TBC1D2: variants seen among roughly 807,000 people sequenced by gnomAD.
The protein encoded by TBC1D2 is TBC1 domain family member 2, also known as TBC1 domain family member 2A.
In TBC1D2, 58 loss-of-function variants were observed where a neutral mutation model predicts 91.1. The observed-to-expected ratio is 0.64, with a 90% CI of 0.52 to 0.79. TBC1D2 has a LOEUF of 0.79. Among genes scored for constraint, TBC1D2 ranks in the 30% least tolerant of loss-of-function variants. TBC1D2 has a pLI of 0.00. For synonymous variants in TBC1D2, 482 were observed against 511.5 expected (o/e 0.94, Z 0.78); for missense variants, 1,080 against 1,208.3 (o/e 0.89, Z 1.57).
chr9:98,249,555 C>A (rs900901150), intron 2 of TBC1D2, among the ~76,000 whole-genome samples: 1 of 152,200 alleles, frequency 6.6e-6, no homozygotes, highest in African/African-American at 2.4e-5. Context: ...ACCCAGGCTG[C>A]AGTTTTCTGC....
At chr9:98,253,422 G>A (rs1829910196) in intron 1 of TBC1D2, among the ~76,000 whole-genome samples, 1 of 152,054 alleles carries the variant, frequency 6.6e-6, no homozygotes, top group South Asian at 2.1e-4. Context: ...CTTCTGATGG[G>A]CTCCCTGAGT....
At chr9:98,230,121 A>G (rs1829330739) in intron 4 of TBC1D2, among the ~76,000 whole-genome samples, 1 of 152,200 alleles carries the variant, frequency 6.6e-6, no homozygotes. Context: ...GGGCCTGACT[A>G]TGTAGCCAAG....
intron 9 of TBC1D2, among the ~76,000 whole-genome samples, chr9:98,204,637 G>A (rs75967315): frequency 0.029 from 4,365 of 152,124 alleles, 221 homozygotes; most frequent in African/African-American, 0.099. Context: ...AATCTCAAAA[G>A]AAAAAAGAAA....
intron 6 of TBC1D2, among the ~76,000 whole-genome samples, chr9:98,214,763 A>G (rs1265080807): frequency 1.3e-5 from 2 of 152,158 alleles, no homozygotes; most frequent in Non-Finnish European, 2.9e-5. Context: ...CCCAGGCTGG[A>G]AGCTCCGATG....
intron 5 of TBC1D2, among the ~76,000 whole-genome samples, chr9:98,222,402 T>A (rs1376859192): frequency 6.6e-6 from 1 of 152,204 alleles, no homozygotes; most frequent in African/African-American, 2.4e-5. Context: ...ATTCAAGCCA[T>A]TTGTGCCTAG....
intron 5 of TBC1D2, among the ~76,000 whole-genome samples, chr9:98,225,334 G>T (rs985437824): frequency 1.3e-5 from 2 of 152,246 alleles, no homozygotes; most frequent in Admixed American, 1.3e-4. Context: ...GGCCAGTGCT[G>T]CAGGTATGGG....
rs1391663630 is a variant in TBC1D2 at position 98,199,096 on chromosome 9, T to C, written c.*285A>G. ...CTAGAGAATGTTCCAGGTTACCCTATAGAGGCAGTGCTCTTGCTTGTTTAC... is the reference window on the plus strand; with the variant it reads ...CTAGAGAATGTTCCAGGTTACCCTACAGAGGCAGTGCTCTTGCTTGTTTAC... On this transcript the variant is annotated 3_prime_UTR_variant, in exon 13 of 13. Transcript: ENST00000465784. 4 of 574,958 alleles carry C rather than the reference T, an allele frequency of 7.0e-6. No individual in the cohort carries two copies. Among genetic ancestry groups the C allele is most frequent in the Admixed American group, 3.1e-5 (1 of 32,654 alleles). The allele number at this position is 574,958 out of a possible 1,614,324, so 35.6% of individuals were successfully genotyped here. A position where few individuals can be genotyped will look rare whatever the true frequency, so the allele number is the denominator to read the frequency against.
chr9:98,212,175 G>A (rs1053314739), intron 7 of TBC1D2, among the ~76,000 whole-genome samples: 1 of 152,112 alleles, frequency 6.6e-6, no homozygotes, highest in Non-Finnish European at 1.5e-5. Flanking sequence ...ACCCTCCTGA[G>A]CAGTCACAGC....
intron 6 of TBC1D2, 116 bp from the exon 7 acceptor site, chr9:98,213,334 G>A: frequency 6.6e-7 from 1 of 1,514,652 alleles, no homozygotes; most frequent in Non-Finnish European, 8.9e-7. Flanking sequence ...TTCCAATAAT[G>A]GCAACAGAAG....
intron 1 of TBC1D2, among the ~76,000 whole-genome samples, chr9:98,253,304 C>T (rs1434223585): frequency 2.0e-5 from 3 of 152,134 alleles, no homozygotes; most frequent in African/African-American, 7.2e-5. Context: ...TTACTCCAGC[C>T]ACTCCTGACA....
rs1312303511 is a variant in TBC1D2 at position 98,228,680 on chromosome 9, A to C, written c.978+272T>G. 6.6e-6 allele frequency among the ~76,000 whole-genome samples: 1 copy of C among 152,148 alleles called. No homozygotes were observed. The highest frequency in any genetic ancestry group is 1.9e-4 in the East Asian group (1 of 5,186). ...CATTTTCTGGGTAGGGGGTGAGACC[A>C]TGCATGGCCCTCCAGGAGGGGTCCA... On this transcript the variant is annotated intron_variant, in intron 5 of 12. Coordinates refer to ENST00000465784, the MANE Select transcript of TBC1D2 (RefSeq NM_001267571.2). This position sits in a 1 kb window ranked among gnomAD's most constrained non-coding sequence, Gnocchi z 4.0.
At chr9:98,225,638 ACT>A (rs1829214875) in intron 5 of TBC1D2, among the ~76,000 whole-genome samples, 1 of 152,164 alleles carries the variant, frequency 6.6e-6, no homozygotes, top group African/African-American at 2.4e-5. Flanking sequence ...GCATGCAGAC[ACT>A]CTGAGAACCT....
At chr9:98,230,589 T>TA (rs1034517006) in intron 4 of TBC1D2, among the ~76,000 whole-genome samples, 2 of 151,934 alleles carry the variant, frequency 1.3e-5, no homozygotes, top group African/African-American at 4.8e-5. Context: ...CTTGAACAAA[T>TA]AAAGAGTTAC....
intron 12 of TBC1D2, 78 bp downstream of exon 12, chr9:98,200,175 A>G: frequency 6.3e-7 from 1 of 1,579,436 alleles, no homozygotes; most frequent in Non-Finnish European, 8.6e-7. Context: ...TCTACTTGGC[A>G]AACATCAGCC....
rs1055275030 is a variant in TBC1D2, at chr9:98,228,272, C to T, written c.978+680G>A. ...GCCCGGAGCTGCAGCCCTCTCACAT[C>T]TTTGCCCTGGGACCCTCACTACTTC... On this transcript the variant is annotated intron_variant, in intron 5 of 12. Transcript: ENST00000465784. The surrounding 1 kb of genome is among the most constrained non-coding windows in gnomAD (Gnocchi z 4.0). Among the ~76,000 whole-genome samples the T allele has an allele frequency of 6.6e-6, 1 of 152,260 alleles. No homozygotes were observed. The highest frequency in any genetic ancestry group is 1.9e-4 in the East Asian group (1 of 5,198).
chr9:98,207,297 T>C (rs1828679620), intron 9 of TBC1D2, among the ~76,000 whole-genome samples: 2 of 152,180 alleles, frequency 1.3e-5, no homozygotes, highest in South Asian at 4.1e-4. Flanking sequence ...ACACCACCTA[T>C]TCTAAAAAAA....
rs1403080265 is a variant in TBC1D2 at position 98,255,606 on chromosome 9, G to C, written c.-65C>G. The stretch of plus-strand genomic sequence containing the variant: ...GGGACCACCAGGGACAAATCTCGGA[G>C]ACTCGGCGGGCAGCTTCCCAAAGGG... On this transcript the variant is annotated 5_prime_UTR_variant, in exon 1 of 13. Coordinates refer to ENST00000465784, the MANE Select transcript of TBC1D2 (RefSeq NM_001267571.2). 4 of 1,420,426 alleles carry C rather than the reference G, an allele frequency of 2.8e-6. No individual in the cohort carries two copies. In the Admixed American group the frequency reaches 1.2e-4, roughly 41 times the overall value. The allele number at this position is 1,420,426 out of a possible 1,614,324, so 88.0% of individuals were successfully genotyped here.
chr9:98,208,145 G>C (rs1339697191), intron 9 of TBC1D2, among the ~76,000 whole-genome samples: 1 of 152,136 alleles, frequency 6.6e-6, no homozygotes, highest in Non-Finnish European at 1.5e-5. Flanking sequence ...AATCAAAGGA[G>C]AGAGCAGGGA....
rs1260987757 is a variant in TBC1D2, at chr9:98,242,536, T to A, written c.647+1458A>T. Among the ~76,000 whole-genome samples the A allele has an allele frequency of 4.0e-5, 6 of 151,888 alleles. No homozygotes were observed. The East Asian group carries it at 1.2e-3, about 29-fold the overall frequency. On this transcript the variant is annotated intron_variant, in intron 3 of 12. Transcript: ENST00000465784. ...TAGTTTGAATTCCTGAAAGTTTCCA[T>A]CCCTTCAACTAGAGTAACAATAGCA... is the stretch of plus-strand genomic sequence containing the variant.
Sources: gnomAD v4.1 joint callset for allele counts (sites outside exome capture counted in the v4.1 genomes callset) on GRCh38, gnomAD v4.1.1 for gene constraint, Gnocchi (gnomAD v3.1) non-coding constraint, MANE v1.5 for transcripts, NCBI Gene and HGNC (gene_info 2026-07-23, HGNC 2026-07-21) for gene names.